SOX5: variants seen among roughly 807,000 people sequenced by gnomAD.
The protein encoded by SOX5 is transcription factor SOX-5.
A neutral mutation model predicts 92.0 loss-of-function variants in SOX5; 9 were observed. That is an observed-to-expected ratio of 0.10 (90% CI 0.06 to 0.17). SOX5 has a LOEUF of 0.17. SOX5 is among the 10% of genes least tolerant of loss of function. SOX5 has a pLI of 1.00. For synonymous variants in SOX5, 344 were observed against 336.3 expected (o/e 1.02, Z -0.25); for missense variants, 642 against 944.5 (o/e 0.68, Z 4.20).
intron 4 of SOX5, among the ~76,000 whole-genome samples, chr12:24,081,574 C>T (rs1304906193): frequency 1.3e-5 from 2 of 151,824 alleles, no homozygotes; most frequent in Middle Eastern, 3.4e-3. Flanking sequence ...TTTTTTCCTC[C>T]GTAGGACCTT....
intron 4 of SOX5, among the ~76,000 whole-genome samples, chr12:23,958,093 T>C (rs1018464197): frequency 2.0e-5 from 3 of 152,052 alleles, no homozygotes; most frequent in African/African-American, 7.2e-5. Flanking sequence ...TTGTAAAATA[T>C]ACCAGTATCC....
At chr12:23,567,206 A>G (rs758763026) in intron 10 of SOX5, among the ~76,000 whole-genome samples, 2 of 152,210 alleles carry the variant, frequency 1.3e-5, no homozygotes, top group Non-Finnish European at 2.9e-5. Flanking sequence ...TATAATGGTT[A>G]TCTGATAGAT....
intron 11 of SOX5, among the ~76,000 whole-genome samples, chr12:23,548,577 T>C (rs1943596666): frequency 6.6e-6 from 1 of 151,976 alleles, no homozygotes; most frequent in Non-Finnish European, 1.5e-5. Flanking sequence ...AAATGGAGAA[T>C]GTGAGGTATG....
At chr12:23,650,495 A>G (rs1488411969) in intron 7 of SOX5, among the ~76,000 whole-genome samples, 1 of 152,126 alleles carries the variant, frequency 6.6e-6, no homozygotes, top group Non-Finnish European at 1.5e-5. Context: ...TAGAATTCTA[A>G]GACAAAATGA....
intron 11 of SOX5, among the ~76,000 whole-genome samples, chr12:23,548,251 G>A (rs769980241): frequency 5.3e-5 from 8 of 152,078 alleles, no homozygotes; most frequent in South Asian, 2.1e-4. Flanking sequence ...GACACGTTAA[G>A]TGACTTCCAA....
At chr12:24,286,425 A>G in intron 2 of SOX5, among the ~76,000 whole-genome samples, 1 of 152,198 alleles carries the variant, frequency 6.6e-6, no homozygotes, top group Admixed American at 6.5e-5. Context: ...CAAATTCAAG[A>G]GCTTGGGAGG....
intron 1 of SOX5, among the ~76,000 whole-genome samples, chr12:24,514,412 C>G (rs749798629): frequency 2.6e-5 from 4 of 152,094 alleles, no homozygotes; most frequent in Non-Finnish European, 5.9e-5. Flanking sequence ...TAACACCGAC[C>G]CACTAATCAA....
chr12:23,895,879 G>T lies in SOX5; in HGVS notation c.184C>A (p.Pro62Thr). ...ACTGGCTGAAATTCCTCAGAGTGAG[G>T]CTTGTTGGGAAAACTCACATGCAAG... is the stretch of plus-strand genomic sequence containing the variant. Reference protein sequence around the residue: ...LPLHVSFPNKPHSEEFQPVSL... With the variant: ...LPLHVSFPNKTHSEEFQPVSL... The change falls in exon 2 of 15, where the codon CCT (proline) becomes ACT (threonine). Residue 62 changes from proline (P) to threonine (T), a missense_variant. Pro to Thr is a conservative substitution (Grantham distance 38). Around this residue, in one of 8 missense-constraint regions of SOX5, gnomAD observed 113 missense variants for 117.7 expected, o/e 0.96. Coordinates refer to ENST00000451604, the MANE Select transcript of SOX5 (RefSeq NM_006940.6). 1 of 1,614,070 alleles carries T rather than the reference G, an allele frequency of 6.2e-7. No homozygotes were observed. Among genetic ancestry groups the T allele is most frequent in the Non-Finnish European group, 8.5e-7 (1 of 1,179,950 alleles).
intron 2 of SOX5, among the ~76,000 whole-genome samples, chr12:23,867,833 C>CA (rs2096831392): frequency 6.8e-6 from 1 of 147,382 alleles, no homozygotes; most frequent in East Asian, 2.0e-4. Context: ...AAAAAAAAAA[C>CA]AAAAAAACTT....
At chr12:24,087,996 C>T (rs1030412630) in intron 4 of SOX5, among the ~76,000 whole-genome samples, 7 of 152,040 alleles carry the variant, frequency 4.6e-5, no homozygotes, top group South Asian at 4.2e-4. Context: ...GAGTTTCTAA[C>T]GATATCTCAG....
chr12:23,766,255 T>C (rs939959211), intron 3 of SOX5, among the ~76,000 whole-genome samples: 1 of 152,116 alleles, frequency 6.6e-6, no homozygotes, highest in African/African-American at 2.4e-5. Context: ...AGGAAAATAA[T>C]TGAATCACAT....
intron 4 of SOX5, among the ~76,000 whole-genome samples, chr12:24,089,590 G>T (rs1235920868): frequency 1.3e-5 from 2 of 152,058 alleles, no homozygotes; most frequent in African/African-American, 4.8e-5. Flanking sequence ...GAGCTATATT[G>T]TCATCTTTGA....
At chr12:24,039,495 C>T (rs1470149046) in intron 4 of SOX5, among the ~76,000 whole-genome samples, 1 of 151,950 alleles carries the variant, frequency 6.6e-6, no homozygotes, top group South Asian at 2.1e-4. Flanking sequence ...ATTGTTGCAA[C>T]CAGAAAAAAA....
intron 4 of SOX5, among the ~76,000 whole-genome samples, chr12:24,089,740 T>C (rs1351193408): frequency 6.6e-6 from 1 of 152,112 alleles, no homozygotes; most frequent in Non-Finnish European, 1.5e-5. Context: ...CCATAGAGAT[T>C]CCTATAAGGA....
chr12:24,366,848 A>C (rs1275519740), intron 2 of SOX5, among the ~76,000 whole-genome samples: 1 of 152,128 alleles, frequency 6.6e-6, no homozygotes, highest in Non-Finnish European at 1.5e-5. Flanking sequence ...TCAGTTTTCC[A>C]GTCCTTTTCA....
chr12:23,535,226 T>C (rs1280575508), intron 14 of SOX5, among the ~76,000 whole-genome samples: 1 of 152,216 alleles, frequency 6.6e-6, no homozygotes, highest in African/African-American at 2.4e-5. Context: ...CTAAAGATAA[T>C]TAAATTTTAA....
At chr12:23,922,348 G>A (rs966168740) in intron 1 of SOX5, among the ~76,000 whole-genome samples, 1 of 152,150 alleles carries the variant, frequency 6.6e-6, no homozygotes, top group African/African-American at 2.4e-5. Context: ...ATTTCACTAT[G>A]ATTCTTCAAA....
intron 4 of SOX5, among the ~76,000 whole-genome samples, chr12:23,968,904 T>G (rs1947905612): frequency 6.6e-6 from 1 of 152,166 alleles, no homozygotes; most frequent in Admixed American, 6.5e-5. Context: ...CTAGGCAATT[T>G]TATCTGTTAG....
intron 3 of SOX5, among the ~76,000 whole-genome samples, chr12:24,247,546 A>C (rs1939077209): frequency 6.6e-6 from 1 of 151,994 alleles, no homozygotes; most frequent in African/African-American, 2.4e-5. Flanking sequence ...TGGTGTGGTA[A>C]GGCTGGGGGA....
Sources: gnomAD v4.1 joint callset for allele counts (sites outside exome capture counted in the v4.1 genomes callset) on GRCh38, gnomAD v4.1.1 for gene constraint, gnomAD v4.1.1 regional missense constraint, MANE v1.5 for transcripts, NCBI Gene and HGNC (gene_info 2026-07-23, HGNC 2026-07-21) for gene names.